Variants in PCDHA1 observed in about 807,000 individuals in gnomAD.
PCDHA1 encodes protocadherin alpha 1, also known as protocadherin alpha-1.
In PCDHA1, 42 loss-of-function variants were observed where a neutral mutation model predicts 61.3. The ratio of observed to expected loss-of-function variants is 0.69; its 90% CI spans 0.54 to 0.89. The LOEUF is 0.89. PCDHA1 is among the 40% of genes least tolerant of loss of function. The pLI, the probability that PCDHA1 is intolerant of heterozygous loss-of-function variation, is 0.00. For synonymous variants in PCDHA1, 610 were observed against 553.8 expected (o/e 1.10, Z -1.43); for missense variants, 1,256 against 1,235.3 (o/e 1.02, Z -0.25).
intron 1 of PCDHA1, chr5:140,823,132 G>A: frequency 6.2e-7 from 1 of 1,614,036 alleles, no homozygotes; most frequent in South Asian, 1.1e-5. Flanking sequence ...CAACGCTCCG[G>A]CGTTCGCGCA....
chr5:140,933,130 AAGGTAGAT>A (rs1554209200), intron 1 of PCDHA1, among the ~76,000 whole-genome samples: 1 of 151,994 alleles, frequency 6.6e-6, no homozygotes, highest in East Asian at 1.9e-4. Context: ...CTAAATAATA[AAGGTAGAT>A]AGCCACTCAT....
At chr5:140,854,271 A>C in intron 1 of PCDHA1, 5 of 574,086 alleles carry the variant, frequency 8.7e-6, no homozygotes, top group Non-Finnish European at 1.1e-5. Context: ...CATTAGTAGA[A>C]ATTGAGTTTA....
chr5:140,856,991 T>TA lies in PCDHA1; in HGVS notation c.2394+68308dup, dbSNP rs781903903. ...TATTGACTTTGAGGACAGTAACACT[T>TA]ATGAAATTCATGTAGATGTTACAGA... On this transcript the variant is annotated intron_variant, in intron 1 of 3. Transcript: ENST00000504120. 5.6e-6 allele frequency: 9 copies of TA among 1,595,654 alleles called. No homozygotes were observed. The East Asian group carries it at 1.8e-4, about 32-fold the overall frequency.
At chr5:140,804,878 A>C in intron 1 of PCDHA1, 8 of 558,506 alleles carry the variant, frequency 1.4e-5, no homozygotes, top group Non-Finnish European at 1.8e-5. Context: ...ATTTTTCTTG[A>C]CTCCTCTCCT....
chr5:140,871,158 C>G (rs2052764728), intron 1 of PCDHA1: 20 of 1,613,444 alleles, frequency 1.2e-5, no homozygotes, highest in Non-Finnish European at 1.6e-5. Flanking sequence ...TGGCGGGCGC[C>G]GCGAGCCCAG....
chr5:140,801,278 G>A, intron 1 of PCDHA1: 1 of 1,613,596 alleles, frequency 6.2e-7, no homozygotes, highest in Non-Finnish European at 8.5e-7. Flanking sequence ...CGGAGGTGGG[G>A]AGCGGCCAGC....
intron 1 of PCDHA1, among the ~76,000 whole-genome samples, chr5:140,977,050 G>A (rs546385020): frequency 6.6e-6 from 1 of 152,162 alleles, no homozygotes; most frequent in Non-Finnish European, 1.5e-5. Context: ...TGTTGCTGAT[G>A]GACTAGTATA....
intron 1 of PCDHA1, among the ~76,000 whole-genome samples, chr5:140,955,285 G>T (rs2095164466): frequency 6.6e-6 from 1 of 151,896 alleles, no homozygotes; most frequent in Non-Finnish European, 1.5e-5. Context: ...ATATTGATAT[G>T]GTTTGGCTGT....
At chr5:140,852,778 A>T (rs2150522420) in intron 1 of PCDHA1, 1 of 980,232 alleles carries the variant, frequency 1.0e-6, no homozygotes, top group East Asian at 1.1e-4. Flanking sequence ...TTTGATGTGA[A>T]TAGAGGGATG....
At chr5:140,973,107 G>A (rs2096572271) in intron 1 of PCDHA1, among the ~76,000 whole-genome samples, 1 of 152,192 alleles carries the variant, frequency 6.6e-6, no homozygotes, top group South Asian at 2.1e-4. Flanking sequence ...TTATGAAAGA[G>A]TAGCAGAGAT....
At chr5:140,809,781 T>A in intron 1 of PCDHA1, 1 of 503,024 alleles carries the variant, frequency 2.0e-6, no homozygotes, top group South Asian at 3.5e-5. Context: ...TCAATGCATA[T>A]TAACAGAACT....
chr5:140,920,583 C>A (rs1287573835), intron 1 of PCDHA1, among the ~76,000 whole-genome samples: 1 of 152,106 alleles, frequency 6.6e-6, no homozygotes, highest in African/African-American at 2.4e-5. Context: ...CAGTGGCTCA[C>A]GCCTGTAATC....
chr5:140,856,535 G>C (rs782625131), intron 1 of PCDHA1: 1 of 1,598,416 alleles, frequency 6.3e-7, no homozygotes, highest in Non-Finnish European at 8.6e-7. Flanking sequence ...GGATGTTGGA[G>C]AGAACGCATT....
intron 3 of PCDHA1, among the ~76,000 whole-genome samples, chr5:140,992,959 T>A (rs1262703040): frequency 6.6e-6 from 1 of 152,206 alleles, no homozygotes; most frequent in Non-Finnish European, 1.5e-5. Context: ...TCACCCCTTA[T>A]ACTGCTGACA....
At chr5:140,823,477 C>T (rs2150126196) in intron 1 of PCDHA1, 1 of 1,613,436 alleles carries the variant, frequency 6.2e-7, no homozygotes, top group South Asian at 1.1e-5. Context: ...GCTGGTGCCT[C>T]GAGTGGGTGG....
intron 1 of PCDHA1, chr5:140,802,449 G>A (rs149312681): frequency 2.8e-4 from 452 of 1,614,202 alleles, no homozygotes; most frequent in Non-Finnish European, 3.3e-4. Context: ...CCGCGAGAGC[G>A]TGTCGGCCTA....
At chr5:140,818,235 A>C (rs2150100538) in intron 1 of PCDHA1, among the ~76,000 whole-genome samples, 2 of 152,010 alleles carry the variant, frequency 1.3e-5, no homozygotes, top group African/African-American at 4.8e-5. Context: ...CTTGTCTTTT[A>C]TGTGCCATTT....
At chr5:141,001,032 TTTAA>T (rs1332637304) in intron 3 of PCDHA1, among the ~76,000 whole-genome samples, 3 of 152,348 alleles carry the variant, frequency 2.0e-5, no homozygotes, top group Middle Eastern at 3.4e-3. Flanking sequence ...TAATAATAGC[TTTAA>T]TTAATTGTAA....
At chr5:140,982,275 A>G (rs1315034472) in intron 2 of PCDHA1, 200 bp from the exon 3 acceptor site, 3 of 951,630 alleles carry the variant, frequency 3.2e-6, no homozygotes, top group Non-Finnish European at 4.5e-6. Context: ...GGAATAGTAT[A>G]GCAGGCAATA....
Sources: gnomAD v4.1 joint callset for allele counts (sites outside exome capture counted in the v4.1 genomes callset) on GRCh38, gnomAD v4.1.1 for gene constraint, MANE v1.5 for transcripts, NCBI Gene and HGNC (gene_info 2026-07-23, HGNC 2026-07-21) for gene names.